The following UPRT variants were observed in gnomAD, a reference collection of about 807,000 sequenced individuals.
The protein encoded by UPRT is uracil phosphoribosyltransferase homolog.
UPRT carries 5 observed loss-of-function variants against 22.6 expected under a neutral mutation model. That is an observed-to-expected ratio of 0.22 (90% CI 0.12 to 0.47). UPRT has a LOEUF of 0.47. Ranked by LOEUF, UPRT falls within the 20% of genes least tolerant of loss-of-function variation. The pLI is 0.99. For missense variants in UPRT, 181 were observed against 239.9 expected (o/e 0.75, Z 1.62); for synonymous variants, 77 against 87.7 (o/e 0.88, Z 0.68).
At chrX:75,205,509 C>T (rs1050583623) in intron 4 of UPRT, among the ~76,000 whole-genome samples, 1 of 110,525 alleles carries the variant, frequency 9.0e-6, no homozygotes, top group Non-Finnish European at 1.9e-5. Flanking sequence ...GAGGTTGGTC[C>T]TGTGAAGAAG....
In UPRT at chrX:75,252,613, C is replaced by G. The variant is rs140351098; in HGVS notation, c.-446-38411C>G. On this transcript the variant is annotated intron_variant, in intron 4 of 13. Transcript: ENST00000652605. ...TTGGTGGGACTGTAAACTAGTTTAA[C>G]CATTGTGGAAGTCAGTGTGGCGATT... 1.6e-3 allele frequency among the ~76,000 whole-genome samples: 182 copies of G among 111,905 alleles called. No individual in the cohort carries two copies. In the East Asian group the frequency reaches 0.039, roughly 24 times the overall value.
chrX:75,282,966 G>A (rs1249080467), intron 1 of UPRT, among the ~76,000 whole-genome samples: 5 of 111,850 alleles, frequency 4.5e-5, no homozygotes, highest in African/African-American at 1.6e-4. Context: ...TATGTTAGGT[G>A]CATATATGTT....
chrX:75,273,070 C>G (rs985612226), upstream of UPRT, among the ~76,000 whole-genome samples: 16 of 111,504 alleles, frequency 1.4e-4, no homozygotes, highest in African/African-American at 5.2e-4. Flanking sequence ...CAAACTAACA[C>G]AAGAACAGAA....
chrX:75,191,203 A>G (rs1008714698), intron 4 of UPRT, among the ~76,000 whole-genome samples: 2 of 112,013 alleles, frequency 1.8e-5, no homozygotes, highest in African/African-American at 3.2e-5. Flanking sequence ...AACAATCAGG[A>G]CCCTTAGCTG....
intron 4 of UPRT, among the ~76,000 whole-genome samples, chrX:75,230,612 A>G (rs1488864826): frequency 4.5e-5 from 5 of 112,151 alleles, no homozygotes; most frequent in African/African-American, 1.3e-4. Context: ...GTCTGTCCAC[A>G]TGACAACTTG....
chrX:75,252,344 A>AG (rs1213620415), intron 4 of UPRT, among the ~76,000 whole-genome samples: 1 of 112,209 alleles, frequency 8.9e-6, no homozygotes, highest in African/African-American at 3.2e-5. Flanking sequence ...CAAATTTACA[A>AG]GAAAAAAACA....
At chrX:75,279,171 A>T in intron 1 of UPRT, among the ~76,000 whole-genome samples, 1 of 111,010 alleles carries the variant, frequency 9.0e-6, no homozygotes, top group East Asian at 2.8e-4. Context: ...TTCGGGCTAT[A>T]GATATGGTGA....
chrX:75,244,846 A>C (rs1026662967), intron 4 of UPRT, among the ~76,000 whole-genome samples: 3 of 111,458 alleles, frequency 2.7e-5, no homozygotes, highest in Non-Finnish European at 5.7e-5. Context: ...AGGAAATACC[A>C]TTCTGGACAT....
chrX:75,236,968 A>T (rs1320693088), intron 4 of UPRT, among the ~76,000 whole-genome samples: 2 of 112,362 alleles, frequency 1.8e-5, no homozygotes, highest in South Asian at 3.7e-4. Context: ...TCAACTAAAG[A>T]GCTTCTGCAC....
At chrX:75,217,754 T>C (rs1382741048) in intron 4 of UPRT, among the ~76,000 whole-genome samples, 2 of 112,185 alleles carry the variant, frequency 1.8e-5, no homozygotes, top group Non-Finnish European at 3.8e-5. Context: ...CTATCTGATC[T>C]TTGACAAACC....
intron 4 of UPRT, among the ~76,000 whole-genome samples, chrX:75,267,910 C>G (rs1393027822): frequency 9.0e-6 from 1 of 110,901 alleles, no homozygotes; most frequent in African/African-American, 3.3e-5. Context: ...TAACTAAGAT[C>G]AGAGCAATAC....
chrX:75,247,400 A>G (rs935612827), intron 4 of UPRT, among the ~76,000 whole-genome samples: 3 of 111,648 alleles, frequency 2.7e-5, no homozygotes, highest in Non-Finnish European at 3.8e-5. Context: ...TCCTTTTCCA[A>G]TGGGTTTAAC....
intron 4 of UPRT, among the ~76,000 whole-genome samples, chrX:75,232,451 G>C (rs1248789934): frequency 1.8e-5 from 2 of 112,774 alleles, no homozygotes; most frequent in Non-Finnish European, 3.8e-5. Flanking sequence ...GCTCAAGGAG[G>C]CCTCCCTGCC....
At chrX:75,249,973 C>G (rs911532795) in intron 4 of UPRT, among the ~76,000 whole-genome samples, 1 of 111,657 alleles carries the variant, frequency 9.0e-6, no homozygotes, top group Non-Finnish European at 1.9e-5. Flanking sequence ...GGGTACATAA[C>G]GAAACAAAGG....
Position 75,299,799 on chromosome X carries a change from T to G in UPRT, c.627T>G (p.Ile209Met). 1.7e-6 allele frequency: 2 copies of G among 1,211,538 alleles called. No homozygotes were observed. Among genetic ancestry groups the G allele is most frequent in the Non-Finnish European group, 2.2e-6 (2 of 895,319 alleles). Residue 209 changes from isoleucine to methionine, a missense_variant, in exon 5 of 7, where the codon ATT becomes ATG. By Grantham distance (10) the Ile-to-Met change is conservative (BLOSUM62 1). Transcript: ENST00000373383. Reference protein sequence around the residue: ...CRSIRIGKILIQSDEETQRAK... With the variant: ...CRSIRIGKILMQSDEETQRAK... ...CCATACGAATTGGAAAGATCCTGAT[T>G]CAGAGTGATGAGGAGACACAAAGAG...
intron 4 of UPRT, among the ~76,000 whole-genome samples, chrX:75,175,010 C>T (rs1413722310): frequency 1.8e-5 from 2 of 110,549 alleles, no homozygotes; most frequent in Non-Finnish European, 1.9e-5. Flanking sequence ...TTCTCTCTCT[C>T]GTTCTCTGAT....
chrX:75,276,591 G>C (rs747579687), intron 1 of UPRT, among the ~76,000 whole-genome samples: 2 of 111,420 alleles, frequency 1.8e-5, no homozygotes, highest in African/African-American at 3.3e-5. Context: ...TTTCTATAGA[G>C]CAGAAGTTAC....
chrX:75,237,810 A>C (rs1200044448), intron 4 of UPRT, among the ~76,000 whole-genome samples: 1 of 41,171 alleles, frequency 2.4e-5, no homozygotes, highest in East Asian at 9.3e-4. Context: ...GGGTGGGGGG[A>C]GGGGGGAGGG....
At chrX:75,303,120 TA>T (rs764235627) in intron 6 of UPRT, among the ~76,000 whole-genome samples, 3 of 111,581 alleles carry the variant, frequency 2.7e-5, no homozygotes, top group Admixed American at 9.6e-5. Flanking sequence ...AAATACTCTT[TA>T]GGGGGAAAGT....
Sources: gnomAD v4.1 joint callset for allele counts (sites outside exome capture counted in the v4.1 genomes callset) on GRCh38, gnomAD v4.1.1 for gene constraint, MANE v1.5 for transcripts, NCBI Gene and HGNC (gene_info 2026-07-23, HGNC 2026-07-21) for gene names.